Variants in SVIL observed in about 807,000 individuals in gnomAD.
The protein encoded by SVIL is supervillin.
Under a neutral mutation model 240.4 loss-of-function variants are expected in SVIL, and 101 were observed. That is an observed-to-expected ratio of 0.42 (90% CI 0.36 to 0.50). The LOEUF (loss-of-function observed/expected upper bound fraction) is 0.50, where lower values mean the gene tolerates loss of function less well. Ranked by LOEUF, SVIL falls within the 20% of genes least tolerant of loss-of-function variation. The pLI, the probability that SVIL is intolerant of heterozygous loss-of-function variation, is 0.01. For synonymous variants in SVIL, 999 were observed against 1,100.0 expected (o/e 0.91, Z 1.82); for missense variants, 2,512 against 2,818.7 (o/e 0.89, Z 2.46).
intron 2 of SVIL, among the ~76,000 whole-genome samples, chr10:29,664,269 T>TTTTTAA (rs557588456): frequency 9.7e-4 from 148 of 152,382 alleles, no homozygotes; most frequent in African/African-American, 3.5e-3. Context: ...TTCATAATTT[T>TTTTTAA]TTTTAAATGT....
At chr10:29,516,802 G>A (rs1379130726) in intron 16 of SVIL, among the ~76,000 whole-genome samples, 4 of 152,186 alleles carry the variant, frequency 2.6e-5, no homozygotes, top group Non-Finnish European at 5.9e-5. Flanking sequence ...CTCTTCCATA[G>A]CCCACACTGT....
At chr10:29,623,600 C>T (rs1318087461) in intron 1 of SVIL, among the ~76,000 whole-genome samples, 1 of 152,234 alleles carries the variant, frequency 6.6e-6, no homozygotes, top group African/African-American at 2.4e-5. Context: ...CCTGTAATCC[C>T]AGCACTTTAG....
At chr10:29,523,343 G>C in intron 15 of SVIL, 108 bp downstream of exon 15, 1 of 1,032,480 alleles carries the variant, frequency 9.7e-7, no homozygotes, top group Non-Finnish European at 1.4e-6. Flanking sequence ...AATACTAGCT[G>C]TAAACTGCCT....
At chr10:29,649,927 A>G (rs918123610) in intron 3 of SVIL, among the ~76,000 whole-genome samples, 1 of 152,130 alleles carries the variant, frequency 6.6e-6, no homozygotes, top group African/African-American at 2.4e-5. Context: ...TTATCACGAG[A>G]GTGGATTTGC....
At chr10:29,488,352 C>T (rs113536293) in intron 23 of SVIL, among the ~76,000 whole-genome samples, 2,121 of 152,090 alleles carry the variant, frequency 0.014, 46 homozygotes, top group African/African-American at 0.047. Context: ...GCTCTGCCAC[C>T]CAGTAGCTGC....
At chr10:29,499,880 G>T (rs1456528367) in intron 17 of SVIL, among the ~76,000 whole-genome samples, 3 of 152,232 alleles carry the variant, frequency 2.0e-5, no homozygotes, top group African/African-American at 4.8e-5. Flanking sequence ...GATGTTGAGG[G>T]TGAACTATGC....
At chr10:29,608,376 T>A (rs575316044) in intron 1 of SVIL, among the ~76,000 whole-genome samples, 5 of 152,198 alleles carry the variant, frequency 3.3e-5, no homozygotes, top group Non-Finnish European at 7.3e-5. Flanking sequence ...GGGGAAGCCA[T>A]GGCTGGGATT....
chr10:29,623,405 T>C (rs768393460), intron 1 of SVIL, among the ~76,000 whole-genome samples: 1 of 152,232 alleles, frequency 6.6e-6, no homozygotes, highest in Non-Finnish European at 1.5e-5. Flanking sequence ...CAACAGATTG[T>C]CCAGTTCTAC....
chr10:29,495,684 G>A (rs1330608051), intron 18 of SVIL, among the ~76,000 whole-genome samples: 1 of 152,330 alleles, frequency 6.6e-6, no homozygotes, highest in South Asian at 2.1e-4. Flanking sequence ...AGAAATTACA[G>A]ACCAGGGCAG....
Position 29,540,768 on chromosome 10 carries a change from T to C in SVIL, c.828-4699A>G, listed in dbSNP as rs142481914. Among the ~76,000 whole-genome samples the C allele has an allele frequency of 1.7e-3, 262 of 152,240 alleles. 2 individuals are homozygous for C. The highest frequency in any genetic ancestry group is 6.0e-3 in the African/African-American group (250 of 41,542). ...GGATGTGGATCTCTCTCTAGTGCCGTTTCCACCGTCAGAAGAGTTACCCGA... is the reference window on the plus strand; with the variant it reads ...GGATGTGGATCTCTCTCTAGTGCCGCTTCCACCGTCAGAAGAGTTACCCGA... On this transcript the variant is annotated intron_variant, in intron 6 of 37. Transcript: ENST00000355867.
chr10:29,555,069 T>G lies in SVIL; in HGVS notation c.-11A>C, dbSNP rs755318405. ...ATCTTACCTTTTCATTTCTAAGAAT[T>G]CTTTCTTCTTTGGTTCAAAGATTTG... On this transcript the variant is annotated 5_prime_UTR_variant, in exon 4 of 38. Coordinates refer to ENST00000355867, the MANE Select transcript of SVIL (RefSeq NM_021738.3). 24 of 1,613,008 alleles carry G rather than the reference T, an allele frequency of 1.5e-5. No individual in the cohort carries two copies. In the South Asian group the frequency reaches 2.4e-4, roughly 16 times the overall value.
intron 25 of SVIL, 51 bp downstream of exon 25, chr10:29,486,356 GAGA>G: frequency 6.2e-7 from 1 of 1,606,028 alleles, no homozygotes; most frequent in African/African-American, 1.3e-5. Flanking sequence ...TGAGCTAAGG[GAGA>G]AGAAAGGAGA....
At chr10:29,679,325 T>C (rs1334364978) in intron 2 of SVIL, among the ~76,000 whole-genome samples, 1 of 152,144 alleles carries the variant, frequency 6.6e-6, no homozygotes, top group Non-Finnish European at 1.5e-5. Flanking sequence ...TAAATAAAAA[T>C]GACATATATT....
In SVIL at chr10:29,533,428, C is replaced by G. The variant is rs1207785954; in HGVS notation, c.939G>C (p.Glu313Asp). The change falls in exon 8 of 38, where the codon GAG becomes GAC. Residue 313 changes from glutamate (E) to aspartate (D), a missense_variant. Around this residue, in one of 3 missense-constraint regions of SVIL, gnomAD observed 1,443 missense variants for 1,486.6 expected, o/e 0.97. Coordinates refer to ENST00000355867, the MANE Select transcript of SVIL (RefSeq NM_021738.3). ...GTTCAGGGCTGTTTCGAGCACTTTCCTCTTTCACCAATTTTTCTCTAACTT... is the reference window on the plus strand; with the variant it reads ...GTTCAGGGCTGTTTCGAGCACTTTCGTCTTTCACCAATTTTTCTCTAACTT... ...RVKVREKLVK[E>D]ESARNSPELA... 31 of 1,613,154 alleles carry G rather than the reference C, an allele frequency of 1.9e-5. No homozygotes were observed. The highest frequency in any genetic ancestry group is 2.5e-5 in the Non-Finnish European group (29 of 1,179,450).
At chr10:29,582,683 G>C (rs917522029) in intron 1 of SVIL, among the ~76,000 whole-genome samples, 2 of 151,642 alleles carry the variant, frequency 1.3e-5, no homozygotes, top group African/African-American at 4.8e-5. Context: ...GGTGAGCTTT[G>C]ATCATGCTAC....
At chr10:29,701,309 T>C (rs1308348525) in intron 1 of SVIL, among the ~76,000 whole-genome samples, 1 of 151,226 alleles carries the variant, frequency 6.6e-6, no homozygotes, top group East Asian at 2.0e-4. Context: ...GGGCCACCTC[T>C]CAGGCCCCTG....
intron 26 of SVIL, among the ~76,000 whole-genome samples, chr10:29,485,809 AG>A (rs1397639243): frequency 6.6e-6 from 1 of 152,262 alleles, no homozygotes; most frequent in African/African-American, 2.4e-5. Flanking sequence ...AAAATGCAAA[AG>A]ATAGGGCTAA....
At chr10:29,560,627 C>T (rs1163115619) in intron 3 of SVIL, among the ~76,000 whole-genome samples, 1 of 150,600 alleles carries the variant, frequency 6.6e-6, no homozygotes, top group East Asian at 1.9e-4. Context: ...ACACATAAAA[C>T]TTGATGTCAT....
chr10:29,732,785 G>T (rs1443851493), intron 1 of SVIL, among the ~76,000 whole-genome samples: 1 of 152,026 alleles, frequency 6.6e-6, no homozygotes, highest in East Asian at 1.9e-4. Context: ...TTTCTTTAGT[G>T]CCATTGATGG....
Sources: allele counts gnomAD v4.1 joint callset (sites outside exome capture counted in the v4.1 genomes callset), GRCh38; gene constraint gnomAD v4.1.1; regional missense constraint gnomAD v4.1.1; transcripts MANE v1.5; gene names NCBI Gene and HGNC (gene_info 2026-07-23, HGNC 2026-07-21).